PATJ: variants seen among roughly 807,000 people sequenced by gnomAD.
PATJ encodes PATJ crumbs cell polarity complex component, also known as inaD-like protein.
Under a neutral mutation model 224.9 loss-of-function variants are expected in PATJ, and 190 were observed. The observed-to-expected ratio is 0.84, with a 90% CI of 0.75 to 0.95. The LOEUF is 0.95. PATJ is among the 40% of genes least tolerant of loss of function. PATJ has a pLI of 0.00. For synonymous variants in PATJ, 769 were observed against 820.3 expected, an observed-to-expected ratio of 0.94 and a Z score of 1.07; for missense variants, 2,121 against 2,270.3, an observed-to-expected ratio of 0.93 and a Z score of 1.34.
chr1:61,915,308 A>G (rs975459448), intron 26 of PATJ, among the ~76,000 whole-genome samples: 1 of 152,214 alleles, frequency 6.6e-6, no homozygotes, highest in Non-Finnish European at 1.5e-5. Context: ...ATCTCAGGTT[A>G]CAAGGGGGAG....
At chr1:61,927,637 T>A (rs1675409104) in intron 26 of PATJ, 93 bp from the exon 27 acceptor site, 1 of 774,802 alleles carries the variant, frequency 1.3e-6, no homozygotes, top group Non-Finnish European at 2.1e-6. Context: ...ATGGTCTAAA[T>A]ATTTCCAGAC....
At chr1:61,835,974 T>G (rs1393549837) in intron 17 of PATJ, among the ~76,000 whole-genome samples, 1 of 152,214 alleles carries the variant, frequency 6.6e-6, no homozygotes. Flanking sequence ...TATATCATAA[T>G]GGTTGCTCTG....
At chr1:62,114,740 T>A (rs1664258398) in intron 35 of PATJ, 1 of 157,760 alleles carries the variant, frequency 6.3e-6, no homozygotes, top group Non-Finnish European at 1.4e-5. Flanking sequence ...AGTAGTTTTC[T>A]ATTAAGAAAA....
chr1:61,792,103 C>A (rs1482772348), intron 9 of PATJ, among the ~76,000 whole-genome samples: 1 of 151,700 alleles, frequency 6.6e-6, no homozygotes, highest in Non-Finnish European at 1.5e-5. Context: ...TTTTTAAGAG[C>A]AAGATTACAG....
At chr1:62,145,400 G>A (rs72677978) in intron 41 of PATJ, among the ~76,000 whole-genome samples, 5,219 of 152,264 alleles carry the variant, frequency 0.034, 107 homozygotes, top group Non-Finnish European at 0.046. Context: ...GGTGGCTCAC[G>A]CCTGTAATCC....
rs1451479144 is a variant in PATJ, at chr1:61,875,322, A to G, written c.2915A>G (p.Asp972Gly). 2 of 1,611,634 alleles carry G rather than the reference A, an allele frequency of 1.2e-6. No individual in the cohort carries two copies. The highest frequency in any genetic ancestry group is 1.7e-6 in the Non-Finnish European group (2 of 1,178,304). Residue 972 changes from aspartate (D) to glycine (G), a missense_variant, in exon 21 of 44, where the codon GAC becomes GGC. Asp to Gly is a moderately conservative substitution (Grantham distance 94, BLOSUM62 -1). Coordinates refer to ENST00000642238, the MANE Select transcript of PATJ (RefSeq NM_001350145.3). ...AACAGTCAACAAGGCAGATTTGACG[A>G]CCTGGAAAATCTTAATTCATTAGCA... ...EGNSQQGRFD[D>G]LENLNSLAKT...
chr1:62,014,562 CTTTT>C (rs35711547), intron 28 of PATJ, among the ~76,000 whole-genome samples: 3 of 84,510 alleles, frequency 3.5e-5, no homozygotes, highest in African/African-American at 4.7e-5. Context: ...CTTTTCTTTC[CTTTT>C]TTTTTTTTTT....
At chr1:61,924,579 A>G (rs1379122668) in intron 26 of PATJ, among the ~76,000 whole-genome samples, 1 of 152,214 alleles carries the variant, frequency 6.6e-6, no homozygotes, top group Non-Finnish European at 1.5e-5. Flanking sequence ...AAAGGCTTGT[A>G]CATTTAAAGT....
chr1:62,080,199 G>A (rs1033854861), intron 32 of PATJ, among the ~76,000 whole-genome samples: 3 of 152,134 alleles, frequency 2.0e-5, no homozygotes, highest in African/African-American at 7.2e-5. Flanking sequence ...GCTTTAAGCT[G>A]TTTGAAGAAT....
At chr1:61,781,914 C>A (rs1647429897) in intron 7 of PATJ, among the ~76,000 whole-genome samples, 1 of 152,200 alleles carries the variant, frequency 6.6e-6, no homozygotes, top group Non-Finnish European at 1.5e-5. Flanking sequence ...ATAGGACAGA[C>A]ACACTTAAGT....
At chr1:61,763,593 T>C (rs1483298512) in intron 3 of PATJ, among the ~76,000 whole-genome samples, 2 of 152,156 alleles carry the variant, frequency 1.3e-5, no homozygotes, top group African/African-American at 4.8e-5. Context: ...TATTTAAGTA[T>C]GTAAAGGTCA....
Position 62,139,771 on chromosome 1 carries a change from T to TTC in PATJ, c.5272-8512_5272-8511insCT, listed in dbSNP as rs1558225173. On this transcript the variant is annotated intron_variant, in intron 41 of 43. Coordinates refer to ENST00000642238, the MANE Select transcript of PATJ (RefSeq NM_001350145.3). ...AAAGTCATTCTTTTTTTTTTTTCTT[T>TTC]TTTTTTGAGACAGGGTCTCACTCTG... 4.2e-4 allele frequency among the ~76,000 whole-genome samples: 63 copies of TTC among 149,082 alleles called. No homozygotes were observed. In the South Asian group the frequency reaches 0.014, roughly 32 times the overall value.
At chr1:61,765,646 A>G (rs1646232064) in intron 3 of PATJ, among the ~76,000 whole-genome samples, 1 of 152,184 alleles carries the variant, frequency 6.6e-6, no homozygotes, top group South Asian at 2.1e-4. Context: ...TCAGCCAATG[A>G]TATTTTAAAT....
intron 40 of PATJ, 117 bp downstream of exon 40, chr1:62,128,211 G>A: frequency 8.9e-7 from 1 of 1,119,452 alleles, no homozygotes; most frequent in East Asian, 2.4e-5. Context: ...GACCCAGGCT[G>A]AGGGCAAGAT....
chr1:62,088,869 C>CATAT (rs34546051), intron 33 of PATJ, among the ~76,000 whole-genome samples: 204 of 143,476 alleles, frequency 1.4e-3, no homozygotes, highest in Middle Eastern at 3.6e-3. Flanking sequence ...ATATATAGAA[C>CATAT]ATATATATAT....
chr1:61,933,782 A>G (rs1469597854), intron 27 of PATJ, among the ~76,000 whole-genome samples: 1 of 152,148 alleles, frequency 6.6e-6, no homozygotes, highest in African/African-American at 2.4e-5. Flanking sequence ...TTTACCTTCT[A>G]GTCTCAGTTT....
At chr1:61,871,525 ATGTGTGTG>A (rs1403314055) in intron 20 of PATJ, among the ~76,000 whole-genome samples, 1 of 118,502 alleles carries the variant, frequency 8.4e-6, no homozygotes, top group South Asian at 2.6e-4. Flanking sequence ...ATATATAAAT[ATGTGTGTG>A]TGTGTGTATA....
At chr1:62,096,000 A>T (rs1338546521) in intron 33 of PATJ, among the ~76,000 whole-genome samples, 1 of 152,226 alleles carries the variant, frequency 6.6e-6, no homozygotes, top group Admixed American at 6.5e-5. Context: ...AATGAAGCAC[A>T]TCCTCGTCTT....
intron 28 of PATJ, among the ~76,000 whole-genome samples, chr1:62,005,619 G>A (rs548706192): frequency 3.9e-5 from 6 of 152,128 alleles, no homozygotes; most frequent in Admixed American, 1.3e-4. Context: ...TTAGCCAGGC[G>A]TGGTGGCACA....
Sources: allele counts gnomAD v4.1 joint callset (sites outside exome capture counted in the v4.1 genomes callset), GRCh38; gene constraint gnomAD v4.1.1; transcripts MANE v1.5; gene names NCBI Gene and HGNC (gene_info 2026-07-23, HGNC 2026-07-21).